The following AGBL4 variants were observed in gnomAD, a reference collection of about 807,000 sequenced individuals.
AGBL4 encodes AGBL carboxypeptidase 4.
A neutral mutation model predicts 66.4 loss-of-function variants in AGBL4; 58 were observed. That is an observed-to-expected ratio of 0.87 (90% CI 0.71 to 1.09). AGBL4 has a LOEUF of 1.09. Ranked by LOEUF, AGBL4 falls within the 50% of genes least tolerant of loss-of-function variation. The pLI, the probability that AGBL4 is intolerant of heterozygous loss-of-function variation, is 0.00. For missense variants in AGBL4, 579 were observed against 631.0 expected, an observed-to-expected ratio of 0.92 and a Z score of 0.88; for synonymous variants, 234 against 222.9, an observed-to-expected ratio of 1.05 and a Z score of -0.44.
chr1:49,229,602 T>G (rs993939641), intron 4 of AGBL4, among the ~76,000 whole-genome samples: 3 of 152,196 alleles, frequency 2.0e-5, no homozygotes, highest in African/African-American at 7.2e-5. Flanking sequence ...GTAAAATTCT[T>G]CTGATCAGAA....
chr1:48,778,659 G>A (rs1934376), intron 6 of AGBL4, among the ~76,000 whole-genome samples: 148,421 of 152,154 alleles, frequency 0.98, 72,481 homozygotes, highest in East Asian at 1. Flanking sequence ...TATTCATTGT[G>A]TGTGTGTGTG....
In AGBL4 at chr1:48,714,548, G is replaced by A. The variant is rs190696360; in HGVS notation, c.635-51307C>T. ...GCTCCAGCCTTCCACATTTCTTGCC[G>A]GACTATTAAGCCCCCTCGTTTCTGT... On this transcript the variant is annotated intron_variant, in intron 6 of 13. Transcript: ENST00000371839. Among the ~76,000 whole-genome samples, 52 of 152,056 alleles carry A rather than the reference G, an allele frequency of 3.4e-4. 1 individual carries two copies. Among genetic ancestry groups the A allele is most frequent in the Non-Finnish European group, 1.5e-4 (10 of 67,996 alleles).
At chr1:49,220,050 T>C (rs1649380193) in intron 4 of AGBL4, among the ~76,000 whole-genome samples, 1 of 152,114 alleles carries the variant, frequency 6.6e-6, no homozygotes, top group African/African-American at 2.4e-5. Context: ...TTAACATTCA[T>C]TGGCTGTATT....
intron 3 of AGBL4, among the ~76,000 whole-genome samples, chr1:49,322,784 A>G (rs1382717388): frequency 6.6e-6 from 1 of 152,168 alleles, no homozygotes; most frequent in African/African-American, 2.4e-5. Flanking sequence ...ACTATGAGAG[A>G]ATAAATTTTT....
intron 3 of AGBL4, among the ~76,000 whole-genome samples, chr1:49,417,294 G>A (rs750638033): frequency 8.5e-5 from 13 of 152,070 alleles, no homozygotes; most frequent in Non-Finnish European, 1.6e-4. Context: ...CAGAAAAAAA[G>A]CGATCAGAAA....
intron 4 of AGBL4, among the ~76,000 whole-genome samples, chr1:49,049,916 T>C (rs1162226203): frequency 6.6e-6 from 1 of 152,100 alleles, no homozygotes; most frequent in Non-Finnish European, 1.5e-5. Context: ...CTAAGTACTT[T>C]ATAATGTATT....
At chr1:48,529,676 C>T (rs762929242), downstream of AGBL4, among the ~76,000 whole-genome samples, 8 of 152,068 alleles carry the variant, frequency 5.3e-5, no homozygotes, top group Non-Finnish European at 1.0e-4. Context: ...GGAAGAATTC[C>T]GAACAAGAAA....
At chr1:48,543,640 C>G (rs1455192832) in intron 11 of AGBL4, among the ~76,000 whole-genome samples, 1 of 152,176 alleles carries the variant, frequency 6.6e-6, no homozygotes, top group Non-Finnish European at 1.5e-5. Context: ...TGGGCCAGGT[C>G]TCCTGGGCCA....
intron 2 of AGBL4, among the ~76,000 whole-genome samples, chr1:49,810,161 T>A (rs1254775111): frequency 1.3e-5 from 2 of 152,134 alleles, no homozygotes; most frequent in African/African-American, 4.8e-5. Context: ...GAGGCTCAGC[T>A]AAGTACCAGA....
At chr1:48,735,220 T>C (rs1557920796) in intron 6 of AGBL4, among the ~76,000 whole-genome samples, 2 of 152,252 alleles carry the variant, frequency 1.3e-5, no homozygotes, top group Admixed American at 6.5e-5. Flanking sequence ...TTGCTCCCTC[T>C]ACACCATGGT....
intron 5 of AGBL4, among the ~76,000 whole-genome samples, chr1:48,910,566 T>A (rs778352781): frequency 7.2e-5 from 11 of 151,778 alleles, no homozygotes; most frequent in Non-Finnish European, 1.6e-4. Context: ...GTCAAAACAG[T>A]CAGCTCGCAA....
chr1:48,617,724 C>T (rs540934413), intron 9 of AGBL4, among the ~76,000 whole-genome samples: 3 of 152,164 alleles, frequency 2.0e-5, no homozygotes, highest in East Asian at 1.9e-4. Context: ...TCTGCCACTT[C>T]TGCCTTGGGG....
chr1:49,251,166 T>C (rs936206341), intron 3 of AGBL4, among the ~76,000 whole-genome samples: 1 of 152,148 alleles, frequency 6.6e-6, no homozygotes, highest in African/African-American at 2.4e-5. Context: ...ATCTTCTGTG[T>C]GAGCAGACCA....
intron 5 of AGBL4, among the ~76,000 whole-genome samples, chr1:49,044,832 G>T (rs79732752): frequency 0.028 from 4,198 of 152,254 alleles, 169 homozygotes; most frequent in African/African-American, 0.096. Context: ...GCTGGAAAAG[G>T]CAGGGAAATA....
rs192180920 is a variant in AGBL4 at position 49,542,994 on chromosome 1, C to T, written c.282+154319G>A. 1.7e-4 allele frequency among the ~76,000 whole-genome samples: 25 copies of T among 148,112 alleles called. 1 individual carries two copies. Among genetic ancestry groups the T allele is most frequent in the Admixed American group, 3.4e-4 (5 of 14,820 alleles). On this transcript the variant is annotated intron_variant, in intron 3 of 13. Coordinates refer to ENST00000371839, the MANE Select transcript of AGBL4 (RefSeq NM_032785.4). ...ATTTGGCTTTCTAGATGCTAAGCAACGAGATGATTGGCATATGGCTAAGAC... is the reference window on the plus strand; with the variant it reads ...ATTTGGCTTTCTAGATGCTAAGCAATGAGATGATTGGCATATGGCTAAGAC...
chr1:49,817,691 T>A (rs1400018759), intron 2 of AGBL4, among the ~76,000 whole-genome samples: 1 of 150,712 alleles, frequency 6.6e-6, no homozygotes, highest in Non-Finnish European at 1.5e-5. Context: ...GACAGCCAAA[T>A]TTTACTTATA....
At chr1:49,411,836 G>GAACA (rs1645321894) in intron 3 of AGBL4, among the ~76,000 whole-genome samples, 1 of 152,160 alleles carries the variant, frequency 6.6e-6, no homozygotes, top group Non-Finnish European at 1.5e-5. Context: ...GACTAGAGGG[G>GAACA]AACACATTGG....
At chr1:50,003,780 T>C (rs1166165389) in intron 1 of AGBL4, among the ~76,000 whole-genome samples, 3 of 152,174 alleles carry the variant, frequency 2.0e-5, no homozygotes, top group Non-Finnish European at 2.9e-5. Context: ...GTAAAGCTCA[T>C]AGCAGAAAAA....
At chr1:48,657,689 ATG>A (rs982807126) in intron 7 of AGBL4, among the ~76,000 whole-genome samples, 72 of 151,568 alleles carry the variant, frequency 4.8e-4, no homozygotes, top group African/African-American at 1.7e-3. Context: ...GGTGGCACCA[ATG>A]ATACAATGAT....
Sources: allele counts gnomAD v4.1 joint callset (sites outside exome capture counted in the v4.1 genomes callset), GRCh38; gene constraint gnomAD v4.1.1; transcripts MANE v1.5; gene names NCBI Gene and HGNC (gene_info 2026-07-23, HGNC 2026-07-21).